Variants in KITLG observed in about 807,000 individuals in gnomAD.
KITLG encodes the protein KIT ligand.
A neutral mutation model predicts 34.1 loss-of-function variants in KITLG; 13 were observed. The observed-to-expected ratio is 0.38, with a 90% CI of 0.25 to 0.61. The LOEUF is 0.61. Ranked by LOEUF, KITLG falls within the 20% of genes least tolerant of loss-of-function variation. The probability of loss-of-function intolerance (pLI) is 0.60; values close to 1 mark genes in which losing one functional copy is unlikely to be tolerated. For synonymous variants in KITLG, 110 were observed against 104.0 expected (o/e 1.06, Z -0.35); for missense variants, 292 against 318.9 (o/e 0.92, Z 0.64).
chr12:88,519,983 T>C (rs940258468), intron 3 of KITLG, among the ~76,000 whole-genome samples: 1 of 152,168 alleles, frequency 6.6e-6, no homozygotes, highest in Non-Finnish European at 1.5e-5. Flanking sequence ...TTAACAGAAC[T>C]GTTTTACTTA....
chr12:88,542,752 C>T (rs2120905003), intron 2 of KITLG, among the ~76,000 whole-genome samples: 1 of 152,062 alleles, frequency 6.6e-6, no homozygotes, highest in East Asian at 1.9e-4. Flanking sequence ...GTTCTCACAC[C>T]CCATCTCCAC....
intron 1 of KITLG, among the ~76,000 whole-genome samples, chr12:88,549,776 C>T (rs987071949): frequency 6.6e-6 from 1 of 151,996 alleles, no homozygotes; most frequent in Non-Finnish European, 1.5e-5. Context: ...TGGATGAGAT[C>T]ACCAAGGGAG....
chr12:88,563,136 G>T (rs1340066590), intron 1 of KITLG, among the ~76,000 whole-genome samples: 2 of 152,200 alleles, frequency 1.3e-5, no homozygotes, highest in African/African-American at 4.8e-5. Flanking sequence ...CATTTCTAAA[G>T]TAGCCATTCA....
chr12:88,508,297 A>G (rs1248297503), intron 6 of KITLG, among the ~76,000 whole-genome samples: 1 of 152,190 alleles, frequency 6.6e-6, no homozygotes, highest in Non-Finnish European at 1.5e-5. Context: ...CTATATACCT[A>G]TACCTATTTA....
chr12:88,517,179 T>C (rs963950967), intron 4 of KITLG, among the ~76,000 whole-genome samples: 2 of 151,974 alleles, frequency 1.3e-5, no homozygotes, highest in Non-Finnish European at 2.9e-5. Flanking sequence ...CAAGAGAAGG[T>C]TAACTACAGC....
chr12:88,539,079 G>A (rs1053993249), intron 2 of KITLG, among the ~76,000 whole-genome samples: 5 of 152,102 alleles, frequency 3.3e-5, no homozygotes, highest in Non-Finnish European at 5.9e-5. Flanking sequence ...CACCCTGCAG[G>A]TATTTGGACT....
At chr12:88,536,802 G>A (rs1171833718) in intron 2 of KITLG, among the ~76,000 whole-genome samples, 1 of 152,082 alleles carries the variant, frequency 6.6e-6, no homozygotes, top group Admixed American at 6.6e-5. Context: ...CATGGACACA[G>A]GGAGGGAAAC....
chr12:88,580,000 C>T (rs2121002630), intron 1 of KITLG: 2 of 587,046 alleles, frequency 3.4e-6, no homozygotes, highest in South Asian at 2.1e-5. Flanking sequence ...TTACGGTTTC[C>T]GACTGACAGC....
intron 1 of KITLG, among the ~76,000 whole-genome samples, chr12:88,576,280 G>A (rs1871821346): frequency 6.6e-6 from 1 of 152,138 alleles, no homozygotes; most frequent in South Asian, 2.1e-4. Flanking sequence ...CTGGATTGAT[G>A]TGTCTTAATT....
intron 2 of KITLG, among the ~76,000 whole-genome samples, chr12:88,542,710 C>A (rs559072680): frequency 2.0e-5 from 3 of 152,074 alleles, no homozygotes; most frequent in Admixed American, 1.3e-4. Flanking sequence ...ACATAAATAA[C>A]TTTTATGTAG....
At chr12:88,532,798 T>C (rs533835576) in intron 2 of KITLG, among the ~76,000 whole-genome samples, 1 of 152,288 alleles carries the variant, frequency 6.6e-6, no homozygotes, top group Admixed American at 6.5e-5. Flanking sequence ...CTTCCACCTG[T>C]GATCTTGGAA....
intron 1 of KITLG, among the ~76,000 whole-genome samples, chr12:88,574,928 A>C (rs546745895): frequency 2.4e-4 from 37 of 152,338 alleles, no homozygotes; most frequent in Non-Finnish European, 4.9e-4. Context: ...AATATCAAGC[A>C]GTAGGTGAAA....
At chr12:88,572,150 A>C (rs1470305632) in intron 1 of KITLG, among the ~76,000 whole-genome samples, 1 of 152,188 alleles carries the variant, frequency 6.6e-6, no homozygotes, top group African/African-American at 2.4e-5. Context: ...CTTCAAGTTG[A>C]ATCATTATGT....
At chr12:88,537,323 G>A (rs184296345) in intron 2 of KITLG, among the ~76,000 whole-genome samples, 530 of 152,050 alleles carry the variant, frequency 3.5e-3, no homozygotes, top group Non-Finnish European at 4.9e-3. Flanking sequence ...CATGTCTTTC[G>A]CAGGAATATG....
chr12:88,550,732 T>C (rs1870883441), intron 1 of KITLG, among the ~76,000 whole-genome samples: 1 of 152,198 alleles, frequency 6.6e-6, no homozygotes, highest in South Asian at 2.1e-4. Context: ...CCTGCAAATC[T>C]GTTAGATGGT....
chr12:88,569,550 C>A (rs1405701750), intron 1 of KITLG, among the ~76,000 whole-genome samples: 3 of 152,132 alleles, frequency 2.0e-5, no homozygotes, highest in African/African-American at 7.2e-5. Context: ...TGGTGTCCAG[C>A]ACTGGACTAA....
chr12:88,513,505 C>T (rs1223269647), intron 6 of KITLG, among the ~76,000 whole-genome samples: 12 of 151,606 alleles, frequency 7.9e-5, no homozygotes, highest in African/African-American at 2.9e-4. Context: ...AATAGTGAAG[C>T]CCAAGTGTAT....
chr12:88,528,485 A>C (rs1334685445), intron 3 of KITLG, among the ~76,000 whole-genome samples: 1 of 152,236 alleles, frequency 6.6e-6, no homozygotes, highest in Non-Finnish European at 1.5e-5. Flanking sequence ...CTGAAGGAAA[A>C]GAAATGCAAA....
intron 1 of KITLG, among the ~76,000 whole-genome samples, chr12:88,567,183 T>G (rs1177484396): frequency 6.6e-6 from 1 of 152,326 alleles, no homozygotes; most frequent in East Asian, 1.9e-4. Context: ...AAGAGATTTC[T>G]GCATTTTAAT....
Sources: gnomAD v4.1 joint callset for allele counts (sites outside exome capture counted in the v4.1 genomes callset) on GRCh38, gnomAD v4.1.1 for gene constraint, MANE v1.5 for transcripts, NCBI Gene and HGNC (gene_info 2026-07-23, HGNC 2026-07-21) for gene names.